Variants in ARHGAP44 observed in about 807,000 individuals in gnomAD.
The protein encoded by ARHGAP44 is Rho GTPase activating protein 44, also known as rho GTPase-activating protein 44.
A neutral mutation model predicts 106.8 loss-of-function variants in ARHGAP44; 43 were observed. The ratio of observed to expected loss-of-function variants is 0.40; its 90% CI spans 0.32 to 0.52. The LOEUF is 0.52. Among genes scored for constraint, ARHGAP44 ranks in the 20% least tolerant of loss-of-function variants. The probability of loss-of-function intolerance (pLI) is 0.48; values close to 1 mark genes in which losing one functional copy is unlikely to be tolerated. For missense variants in ARHGAP44, 866 were observed against 1,050.5 expected, an observed-to-expected ratio of 0.82 and a Z score of 2.43; for synonymous variants, 439 against 410.3, an observed-to-expected ratio of 1.07 and a Z score of -0.85.
In ARHGAP44 at chr17:12,915,862, C is replaced by T. The variant is rs374367033; in HGVS notation, c.276-38C>T. 4 of 1,564,616 alleles carry T rather than the reference C, an allele frequency of 2.6e-6. No individual in the cohort carries two copies. In the African/African-American group the frequency reaches 5.4e-5, roughly 21 times the overall value. On this transcript the variant is annotated intron_variant, in intron 4 of 20. Coordinates refer to ENST00000379672, the MANE Select transcript of ARHGAP44 (RefSeq NM_014859.6). ...GGTAACGCCAGTGAAATGTTGTCTT[C>T]AAGAGTATTCACTATTTCTTTCCCC...
At chr17:12,885,830 C>G (rs922305435) in intron 1 of ARHGAP44, among the ~76,000 whole-genome samples, 16 of 152,170 alleles carry the variant, frequency 1.1e-4, no homozygotes, top group African/African-American at 3.6e-4. Context: ...TTAACAGTGT[C>G]TTTCACAGAA....
intron 1 of ARHGAP44, among the ~76,000 whole-genome samples, chr17:12,869,667 C>T (rs890554504): frequency 1.3e-5 from 2 of 152,060 alleles, no homozygotes; most frequent in Non-Finnish European, 2.9e-5. Context: ...TTTGAAAATA[C>T]ATTTTACAAT....
intron 16 of ARHGAP44, among the ~76,000 whole-genome samples, chr17:12,968,915 A>T (rs1483198729): frequency 2.0e-5 from 3 of 151,618 alleles, no homozygotes; most frequent in African/African-American, 7.3e-5. Context: ...GATTACGGGC[A>T]CCCACCACCA....
At chr17:12,953,163 GAT>G (rs1389815489) in intron 13 of ARHGAP44, among the ~76,000 whole-genome samples, 1 of 152,150 alleles carries the variant, frequency 6.6e-6, no homozygotes, top group Non-Finnish European at 1.5e-5. Context: ...AGGAAGGAGA[GAT>G]GAGGGAGCGT....
chr17:12,956,413 C>T (rs144036467), intron 14 of ARHGAP44, among the ~76,000 whole-genome samples: 121 of 152,268 alleles, frequency 7.9e-4, no homozygotes, highest in Non-Finnish European at 1.2e-3. Context: ...TCACACCTCA[C>T]GTTGAAAGTG....
At chr17:12,846,978 A>G (rs767309470) in intron 1 of ARHGAP44, among the ~76,000 whole-genome samples, 1 of 152,176 alleles carries the variant, frequency 6.6e-6, no homozygotes, top group Admixed American at 6.5e-5. Flanking sequence ...TTTAAGGTTA[A>G]CCCACTAAGT....
At chr17:12,831,508 C>T (rs939266913) in intron 1 of ARHGAP44, among the ~76,000 whole-genome samples, 5 of 152,014 alleles carry the variant, frequency 3.3e-5, no homozygotes, top group African/African-American at 2.4e-5. Context: ...GCAGAGGCTC[C>T]GTAGAGTCAG....
chr17:12,961,511 G>A (rs1455137134), intron 16 of ARHGAP44, among the ~76,000 whole-genome samples: 3 of 152,338 alleles, frequency 2.0e-5, no homozygotes, highest in South Asian at 4.1e-4. Flanking sequence ...AAGGCAGGTG[G>A]ATCACCTGAG....
At chr17:12,836,831 G>GACTTCACCT (rs2035252329) in intron 1 of ARHGAP44, among the ~76,000 whole-genome samples, 1 of 152,196 alleles carries the variant, frequency 6.6e-6, no homozygotes. Context: ...TATAGGTGAG[G>GACTTCACCT]ACTTCACCAC....
At chr17:12,959,015 G>T in intron 16 of ARHGAP44, 118 bp downstream of exon 16, 1 of 1,225,972 alleles carries the variant, frequency 8.2e-7, no homozygotes, top group Non-Finnish European at 1.2e-6. Flanking sequence ...AGCAGTTTAG[G>T]TGACTCGTAG....
intron 8 of ARHGAP44, among the ~76,000 whole-genome samples, chr17:12,941,814 G>A (rs956183586): frequency 9.2e-5 from 14 of 151,962 alleles, no homozygotes; most frequent in African/African-American, 2.9e-4. Flanking sequence ...TAAATGCAAA[G>A]CAAGTCAAAA....
intron 1 of ARHGAP44, among the ~76,000 whole-genome samples, chr17:12,871,126 T>G (rs2036394513): frequency 6.6e-6 from 1 of 152,232 alleles, no homozygotes; most frequent in South Asian, 2.1e-4. Flanking sequence ...AAAAGTCAAT[T>G]AAGTGCTTTT....
In ARHGAP44 at chr17:12,990,302, A is replaced by AATT. The variant is rs1318582422; in HGVS notation, c.*132_*134dup. On this transcript the variant is annotated 3_prime_UTR_variant, in exon 21 of 21. Coordinates refer to ENST00000379672, the MANE Select transcript of ARHGAP44 (RefSeq NM_014859.6). ...CCTGCCACTGCCAACACGAGGTTGG[A>AATT]ATTTGGCAGAAAATTGTGATCTCCA... 1.7e-5 allele frequency: 22 copies of AATT among 1,260,538 alleles called. No individual in the cohort carries two copies. Among genetic ancestry groups the AATT allele is most frequent in the Non-Finnish European group, 2.4e-5 (22 of 930,574 alleles). 78.1% of individuals were successfully genotyped at this position (1,260,538 alleles called of 1,614,324 possible).
At chr17:12,861,652 T>TTTTTTTTTTTTAA (rs1597958806) in intron 1 of ARHGAP44, among the ~76,000 whole-genome samples, 1 of 15,390 alleles carries the variant, frequency 6.5e-5, no homozygotes, top group African/African-American at 1.7e-4. Flanking sequence ...CACTTTTTTT[T>TTTTTTTTTTTTAA]TTTTTTGAGA....
chr17:12,923,948 C>G (rs537929618), intron 6 of ARHGAP44, among the ~76,000 whole-genome samples: 12 of 152,334 alleles, frequency 7.9e-5, no homozygotes, highest in Admixed American at 7.8e-4. Flanking sequence ...CCCCCCCTAC[C>G]CCCTGCATTT....
At chr17:12,941,171 A>G (rs758005425) in intron 8 of ARHGAP44, 47 bp downstream of exon 8, 1 of 1,554,098 alleles carries the variant, frequency 6.4e-7, no homozygotes, top group African/African-American at 1.4e-5. Flanking sequence ...TTCGTAGGAG[A>G]AGGGAATGTG....
In ARHGAP44 at chr17:12,974,233, G is replaced by C; in HGVS notation, c.1686G>C (p.Glu562Asp). The C allele has an allele frequency of 6.5e-7, 1 of 1,545,590 alleles. No homozygotes were observed. Among genetic ancestry groups the C allele is most frequent in the Non-Finnish European group, 8.7e-7 (1 of 1,145,218 alleles). Residue 562 changes from glutamate to aspartate, a missense_variant, in exon 18 of 21, where the codon GAG becomes GAC. Glu to Asp is a conservative substitution (Grantham distance 45, BLOSUM62 2). Transcript: ENST00000379672. ...LAAPLPSPLP[E>D]QPLDSPAAPA... Reference sequence around the variant, plus strand: ...CGCCCCTGCCTTCGCCGCTGCCGGAGCAGCCCCTGGACAGCCCCGCGGCCC... The same window carrying C: ...CGCCCCTGCCTTCGCCGCTGCCGGACCAGCCCCTGGACAGCCCCGCGGCCC...
chr17:12,965,156 C>T (rs1286970604), intron 16 of ARHGAP44, among the ~76,000 whole-genome samples: 3 of 152,170 alleles, frequency 2.0e-5, no homozygotes, highest in East Asian at 1.9e-4. Flanking sequence ...CCCATCAAAA[C>T]GTCCTTGGAT....
intron 5 of ARHGAP44, among the ~76,000 whole-genome samples, chr17:12,918,519 A>G (rs2037982693): frequency 1.3e-5 from 2 of 152,206 alleles, no homozygotes; most frequent in Admixed American, 6.5e-5. Flanking sequence ...AAAAAATATA[A>G]AAAGAGCATC....
Sources: allele counts gnomAD v4.1 joint callset (sites outside exome capture counted in the v4.1 genomes callset), GRCh38; gene constraint gnomAD v4.1.1; transcripts MANE v1.5; gene names NCBI Gene and HGNC (gene_info 2026-07-23, HGNC 2026-07-21).